The following MIPOL1 variants were observed in gnomAD, a reference collection of about 807,000 sequenced individuals.
MIPOL1 encodes the protein mirror-image polydactyly 1.
MIPOL1 carries 57 observed loss-of-function variants against 60.9 expected under a neutral mutation model. That is an observed-to-expected ratio of 0.94 (90% confidence interval 0.76 to 1.17). The LOEUF (loss-of-function observed/expected upper bound fraction) is 1.17. MIPOL1 is among the 50% of genes most tolerant of loss of function. MIPOL1 has a pLI of 0.00. For synonymous variants in MIPOL1, 179 were observed against 168.8 expected, an observed-to-expected ratio of 1.06 and a Z score of -0.47; for missense variants, 551 against 511.6, an observed-to-expected ratio of 1.08 and a Z score of -0.74.
At chr14:37,508,966 A>T (rs2095304228) in intron 12 of MIPOL1, among the ~76,000 whole-genome samples, 1 of 151,868 alleles carries the variant, frequency 6.6e-6, no homozygotes, top group African/African-American at 2.4e-5. Context: ...ATTCTGTAGC[A>T]CCATTTTTTT....
chr14:37,513,214 T>C (rs1191966826), intron 12 of MIPOL1, among the ~76,000 whole-genome samples: 2 of 152,132 alleles, frequency 1.3e-5, no homozygotes, highest in Non-Finnish European at 2.9e-5. Context: ...AATTATCTGA[T>C]TACATATTTA....
At chr14:37,292,363 G>A (rs1456605912) in intron 7 of MIPOL1, among the ~76,000 whole-genome samples, 2 of 150,548 alleles carry the variant, frequency 1.3e-5, no homozygotes, top group Non-Finnish European at 3.0e-5. Flanking sequence ...TGTATTCATA[G>A]TTGTCACATC....
chr14:37,363,798 G>C (rs541164738), intron 9 of MIPOL1, among the ~76,000 whole-genome samples: 6 of 152,182 alleles, frequency 3.9e-5, no homozygotes, highest in Non-Finnish European at 5.9e-5. Flanking sequence ...CCCAGTTCAA[G>C]TTTCCTGGCC....
At chr14:37,237,053 A>G (rs900767275) in intron 1 of MIPOL1, among the ~76,000 whole-genome samples, 2 of 151,878 alleles carry the variant, frequency 1.3e-5, no homozygotes, top group Non-Finnish European at 2.9e-5. Context: ...AATTTCCCAG[A>G]AAGTCTTGCT....
intron 10 of MIPOL1, among the ~76,000 whole-genome samples, chr14:37,394,735 G>T (rs540432297): frequency 6.6e-6 from 1 of 151,980 alleles, no homozygotes; most frequent in Non-Finnish European, 1.5e-5. Flanking sequence ...TCTGCTGACC[G>T]TTCCTTTTGC....
intron 3 of MIPOL1, among the ~76,000 whole-genome samples, chr14:37,253,905 C>A (rs1228383014): frequency 6.6e-6 from 1 of 151,682 alleles, no homozygotes; most frequent in Admixed American, 6.6e-5. Context: ...TTTTATGTGT[C>A]TTTTCCTTTT....
At chr14:37,515,552 A>G (rs2095362992) in intron 12 of MIPOL1, among the ~76,000 whole-genome samples, 1 of 152,202 alleles carries the variant, frequency 6.6e-6, no homozygotes. Flanking sequence ...CATATGTTAT[A>G]TCTCTTTCTG....
intron 6 of MIPOL1, among the ~76,000 whole-genome samples, chr14:37,279,564 A>T (rs2083931699): frequency 6.6e-6 from 1 of 152,038 alleles, no homozygotes; most frequent in Admixed American, 6.6e-5. Context: ...AACCTAATAG[A>T]TGTTAAAAAT....
chr14:37,304,644 G>A (rs2086633852), intron 7 of MIPOL1, among the ~76,000 whole-genome samples: 1 of 151,738 alleles, frequency 6.6e-6, no homozygotes, highest in African/African-American at 2.4e-5. Flanking sequence ...GGCATCTTAG[G>A]ATTGAACAAG....
In MIPOL1 at chr14:37,290,287, G is replaced by A. The variant is rs142568088; in HGVS notation, c.623+4840G>A. On this transcript the variant is annotated intron_variant, in intron 7 of 12. Transcript: ENST00000684589. ...GTCGCCCAAGCTGGAGAACAGTGAC[G>A]TGATCTCGGCTCACCACAACCTCCG... Among the ~76,000 whole-genome samples the A allele has an allele frequency of 2.2e-3, 338 of 152,176 alleles. 1 individual carries two copies. Among genetic ancestry groups the A allele is most frequent in the African/African-American group, 7.6e-3 (315 of 41,526 alleles).
intron 11 of MIPOL1, among the ~76,000 whole-genome samples, chr14:37,432,043 T>A (rs1413650736): frequency 6.6e-6 from 1 of 152,202 alleles, no homozygotes; most frequent in Non-Finnish European, 1.5e-5. Context: ...TTGTTCAATA[T>A]TCCATGGACA....
intron 9 of MIPOL1, among the ~76,000 whole-genome samples, chr14:37,326,835 G>T (rs554990742): frequency 3.3e-5 from 5 of 152,168 alleles, no homozygotes; most frequent in African/African-American, 1.2e-4. Context: ...TCACCTTTTG[G>T]TGAGCACTCA....
intron 9 of MIPOL1, among the ~76,000 whole-genome samples, chr14:37,311,127 T>C (rs1027733521): frequency 6.6e-6 from 1 of 152,132 alleles, no homozygotes; most frequent in African/African-American, 2.4e-5. Context: ...GTCCTTCCTC[T>C]CCAGTTAACT....
At chr14:37,234,916 C>T (rs2006060) in intron 1 of MIPOL1, among the ~76,000 whole-genome samples, 133 of 151,258 alleles carry the variant, frequency 8.8e-4, no homozygotes, top group African/African-American at 3.2e-3. Flanking sequence ...GCTGGGACTG[C>T]AGGCGCCCAC....
chr14:37,314,744 T>C (rs1332356508), intron 9 of MIPOL1, among the ~76,000 whole-genome samples: 1 of 152,126 alleles, frequency 6.6e-6, no homozygotes, highest in Non-Finnish European at 1.5e-5. Flanking sequence ...TATCATGAAC[T>C]TGCATGAAGA....
chr14:37,259,587 T>G (rs984852086), intron 3 of MIPOL1, among the ~76,000 whole-genome samples: 8 of 151,630 alleles, frequency 5.3e-5, no homozygotes, highest in African/African-American at 1.9e-4. Flanking sequence ...AAAAAAAACA[T>G]AAGAAATCAC....
chr14:37,375,784 A>G (rs1241667764), intron 10 of MIPOL1, among the ~76,000 whole-genome samples: 2 of 149,542 alleles, frequency 1.3e-5, no homozygotes, highest in Non-Finnish European at 3.0e-5. Flanking sequence ...TTTCATTCTT[A>G]CCATGTTACC....
intron 12 of MIPOL1, among the ~76,000 whole-genome samples, chr14:37,517,107 G>A (rs957514272): frequency 3.9e-5 from 6 of 152,104 alleles, no homozygotes; most frequent in Non-Finnish European, 8.8e-5. Flanking sequence ...CAGTAACTAG[G>A]TATGTACAGA....
intron 9 of MIPOL1, among the ~76,000 whole-genome samples, chr14:37,323,791 AC>A: frequency 6.6e-6 from 1 of 151,946 alleles, no homozygotes. Flanking sequence ...CACCCAAACA[AC>A]TTTTCTGATT....
Sources: allele counts gnomAD v4.1 joint callset (sites outside exome capture counted in the v4.1 genomes callset), GRCh38; gene constraint gnomAD v4.1.1; transcripts MANE v1.5; gene names NCBI Gene and HGNC (gene_info 2026-07-23, HGNC 2026-07-21).